The following RPS6KC1 variants were observed in gnomAD, a reference collection of about 807,000 sequenced individuals.
The protein encoded by RPS6KC1 is inactive ribosomal protein S6 kinase delta-1.
A neutral mutation model predicts 103.8 loss-of-function variants in RPS6KC1; 54 were observed. The observed-to-expected ratio is 0.52, with a 90% CI of 0.42 to 0.65. The LOEUF (loss-of-function observed/expected upper bound fraction) is 0.65, where lower values mean the gene tolerates loss of function less well. RPS6KC1 is among the 30% of genes least tolerant of loss of function. The pLI, the probability that RPS6KC1 is intolerant of heterozygous loss-of-function variation, is 0.00. For missense variants in RPS6KC1, 1,151 were observed against 1,253.8 expected (o/e 0.92, Z 1.24); for synonymous variants, 439 against 438.7 (o/e 1.00, Z -0.01).
At chr1:213,727,182 C>T in the RPS6KC1 span, among the ~76,000 whole-genome samples, 1 of 152,206 alleles carries the variant, frequency 6.6e-6, no homozygotes, top group Non-Finnish European at 1.5e-5. Context: ...GTAAACATCA[C>T]AGAAGGCCAG....
the RPS6KC1 span, among the ~76,000 whole-genome samples, chr1:213,640,925 G>A: frequency 0.14 from 21,364 of 151,768 alleles, 2,376 homozygotes; most frequent in African/African-American, 0.31. Flanking sequence ...TATCCTTGCT[G>A]TTTTTGAAGT....
chr1:213,394,537 T>C, the RPS6KC1 span, among the ~76,000 whole-genome samples: 1 of 152,128 alleles, frequency 6.6e-6, no homozygotes, highest in Non-Finnish European at 1.5e-5. Context: ...CTCGGTTTGG[T>C]GCACTGCTCT....
chr1:213,340,386 G>A, the RPS6KC1 span, among the ~76,000 whole-genome samples: 1 of 152,226 alleles, frequency 6.6e-6, no homozygotes, highest in African/African-American at 2.4e-5. Context: ...TGAATTACAA[G>A]AAGTCAGAAG....
chr1:213,321,038 G>A, the RPS6KC1 span, among the ~76,000 whole-genome samples: 1 of 152,078 alleles, frequency 6.6e-6, no homozygotes, highest in Non-Finnish European at 1.5e-5. Context: ...TTTTTGTGAG[G>A]TTTTCTACAC....
the RPS6KC1 span, chr1:213,731,455 G>A: frequency 6.6e-6 from 1 of 152,220 alleles, no homozygotes; most frequent in African/African-American, 2.4e-5. Context: ...TTGGGAATAA[G>A]CTTCTCATTT....
At chr1:213,848,949 AG>A in the RPS6KC1 span, among the ~76,000 whole-genome samples, 1 of 152,118 alleles carries the variant, frequency 6.6e-6, no homozygotes, top group Non-Finnish European at 1.5e-5. Flanking sequence ...GAGGAAGAGA[AG>A]GAGGAGACAA....
the RPS6KC1 span, among the ~76,000 whole-genome samples, chr1:213,579,975 A>G: frequency 6.6e-5 from 10 of 152,228 alleles, no homozygotes; most frequent in African/African-American, 2.4e-4. Flanking sequence ...ATGACTGCTA[A>G]CACAACATCC....
At chr1:213,549,612 CTTTTTTTTT>C in the RPS6KC1 span, among the ~76,000 whole-genome samples, 150 of 86,908 alleles carry the variant, frequency 1.7e-3, no homozygotes, top group Middle Eastern at 6.8e-3. Context: ...TTTTCTTTTC[CTTTTTTTTT>C]TTTTTTTTTT....
chr1:213,405,975 G>T, the RPS6KC1 span, among the ~76,000 whole-genome samples: 2 of 152,208 alleles, frequency 1.3e-5, no homozygotes, highest in East Asian at 1.9e-4. Flanking sequence ...ACCTGCTGGG[G>T]CTGGAGAGCA....
the RPS6KC1 span, among the ~76,000 whole-genome samples, chr1:213,528,703 A>G: frequency 2.0e-5 from 3 of 152,036 alleles, no homozygotes; most frequent in African/African-American, 7.3e-5. Flanking sequence ...GTCATCTCAG[A>G]TCCTGCCAGC....
intron 1 of RPS6KC1, among the ~76,000 whole-genome samples, chr1:213,055,824 T>C (rs1022979645): frequency 5.3e-5 from 8 of 152,248 alleles, no homozygotes; most frequent in African/African-American, 1.7e-4. Context: ...GAACATAATA[T>C]ATCTCCTCAT....
the RPS6KC1 span, among the ~76,000 whole-genome samples, chr1:213,717,036 G>A: frequency 0.026 from 3,943 of 152,280 alleles, 171 homozygotes; most frequent in African/African-American, 0.089. Flanking sequence ...GAAATTCTGC[G>A]CTGATTCCAA....
the RPS6KC1 span, among the ~76,000 whole-genome samples, chr1:213,795,960 C>G: frequency 6.6e-6 from 1 of 152,164 alleles, no homozygotes; most frequent in Non-Finnish European, 1.5e-5. Flanking sequence ...AGCCCTGGAA[C>G]AAGGCAGTGA....
At chr1:213,620,917 T>C in the RPS6KC1 span, among the ~76,000 whole-genome samples, 1 of 152,188 alleles carries the variant, frequency 6.6e-6, no homozygotes, top group African/African-American at 2.4e-5. Context: ...GAAGAGCCTC[T>C]TCCCAGCCTC....
chr1:213,617,668 T>C, the RPS6KC1 span, among the ~76,000 whole-genome samples: 1 of 152,228 alleles, frequency 6.6e-6, no homozygotes, highest in Non-Finnish European at 1.5e-5. Context: ...GATGAAAGTA[T>C]GTCCCTACTG....
At chr1:213,680,731 T>C in the RPS6KC1 span, among the ~76,000 whole-genome samples, 1 of 152,140 alleles carries the variant, frequency 6.6e-6, no homozygotes, top group African/African-American at 2.4e-5. Flanking sequence ...GGTGAGTATA[T>C]GGAGTGTATA....
At chr1:213,118,425 A>G (rs2083956484) in intron 5 of RPS6KC1, among the ~76,000 whole-genome samples, 1 of 152,174 alleles carries the variant, frequency 6.6e-6, no homozygotes, top group African/African-American at 2.4e-5. Context: ...TAATAAACTA[A>G]ATAATATTGC....
chr1:213,600,162 T>C, the RPS6KC1 span, among the ~76,000 whole-genome samples: 1 of 152,172 alleles, frequency 6.6e-6, no homozygotes, highest in African/African-American at 2.4e-5. Flanking sequence ...ACCATGAGTG[T>C]AAGTTTCCTG....
At chr1:213,406,458 A>T in the RPS6KC1 span, among the ~76,000 whole-genome samples, 1 of 152,144 alleles carries the variant, frequency 6.6e-6, no homozygotes, top group South Asian at 2.1e-4. Context: ...AGCCACATGA[A>T]CTAATGGCAT....
Sources: gnomAD v4.1 joint callset for allele counts (sites outside exome capture counted in the v4.1 genomes callset) on GRCh38, gnomAD v4.1.1 for gene constraint, MANE v1.5 for transcripts, NCBI Gene and HGNC (gene_info 2026-07-23, HGNC 2026-07-21) for gene names.